GRIK1: variants seen among roughly 807,000 people sequenced by gnomAD.
The protein encoded by GRIK1 is glutamate receptor ionotropic, kainate 1.
In GRIK1, 69 loss-of-function variants were observed where a neutral mutation model predicts 105.7. That is an observed-to-expected ratio of 0.65 (90% CI 0.54 to 0.80). GRIK1 has a LOEUF of 0.80. GRIK1 is among the 30% of genes least tolerant of loss of function. The pLI is 0.00. For synonymous variants in GRIK1, 438 were observed against 431.3 expected (o/e 1.02, Z -0.19); for missense variants, 1,109 against 1,167.3 (o/e 0.95, Z 0.73).
intron 1 of GRIK1, among the ~76,000 whole-genome samples, chr21:29,723,697 A>G (rs2064381445): frequency 6.6e-6 from 1 of 152,226 alleles, no homozygotes; most frequent in African/African-American, 2.4e-5. Flanking sequence ...TGCATATGGA[A>G]CAATGGACCA....
chr21:29,811,555 T>C (rs16985058), intron 1 of GRIK1, among the ~76,000 whole-genome samples: 5,377 of 152,232 alleles, frequency 0.035, 204 homozygotes, highest in East Asian at 0.1. Flanking sequence ...GTATGTTTAG[T>C]GGAGTTTCCT....
intron 1 of GRIK1, among the ~76,000 whole-genome samples, chr21:29,723,489 C>T (rs2064376524): frequency 6.6e-6 from 1 of 152,108 alleles, no homozygotes; most frequent in Non-Finnish European, 1.5e-5. Flanking sequence ...AGAGGAATCA[C>T]AGAACATGAG....
chr21:29,598,073 C>CT (rs2061450917), intron 8 of GRIK1, among the ~76,000 whole-genome samples: 1 of 152,052 alleles, frequency 6.6e-6, no homozygotes, highest in Non-Finnish European at 1.5e-5. Flanking sequence ...AATTGTTTTT[C>CT]TATAAGATTG....
At chr21:29,549,109 G>A (rs1185254881) in intron 16 of GRIK1, among the ~76,000 whole-genome samples, 1 of 152,148 alleles carries the variant, frequency 6.6e-6, no homozygotes, top group African/African-American at 2.4e-5. Flanking sequence ...TTACAGGTGT[G>A]AGCCACCACT....
At chr21:29,680,405 C>T (rs1392245696) in intron 3 of GRIK1, among the ~76,000 whole-genome samples, 1 of 152,226 alleles carries the variant, frequency 6.6e-6, no homozygotes, top group East Asian at 1.9e-4. Context: ...GTATCTTACT[C>T]TTCTACTGTA....
chr21:29,545,684 C>T (rs958785519), intron 16 of GRIK1, among the ~76,000 whole-genome samples: 6 of 151,988 alleles, frequency 3.9e-5, no homozygotes, highest in African/African-American at 1.5e-4. Flanking sequence ...CTAAACTGAC[C>T]GTGATGTGTA....
Position 29,758,805 on chromosome 21 carries a change from C to G in GRIK1, c.119-64742G>C, listed in dbSNP as rs1192723356. 3.3e-5 allele frequency: 5 copies of G among 152,802 alleles called. No homozygotes were observed. The East Asian group carries it at 9.7e-4, about 30-fold the overall frequency. The allele number at this position is 152,802 out of a possible 1,614,324, so 9.5% of individuals were successfully genotyped here. On this transcript the variant is annotated intron_variant, in intron 1 of 17. Transcript: ENST00000327783. ...TGTGCGTTTAGTGAGATAATGGACCCTCTTCTAGTCCAACATTCTCTTCAG... is the reference window on the plus strand; with the variant it reads ...TGTGCGTTTAGTGAGATAATGGACCGTCTTCTAGTCCAACATTCTCTTCAG...
At chr21:29,681,297 C>T (rs1480839008) in intron 3 of GRIK1, among the ~76,000 whole-genome samples, 2 of 152,182 alleles carry the variant, frequency 1.3e-5, no homozygotes, top group Non-Finnish European at 2.9e-5. Flanking sequence ...AAAACTCTTC[C>T]ACGGCTTCCC....
At chr21:29,691,812 C>A (rs1442138455) in intron 2 of GRIK1, among the ~76,000 whole-genome samples, 1 of 152,170 alleles carries the variant, frequency 6.6e-6, no homozygotes, top group Non-Finnish European at 1.5e-5. Flanking sequence ...ACTTTGACAG[C>A]CATATTGCAG....
At chr21:29,649,256 G>C (rs1324538966) in intron 6 of GRIK1, among the ~76,000 whole-genome samples, 2 of 152,090 alleles carry the variant, frequency 1.3e-5, no homozygotes, top group Non-Finnish European at 2.9e-5. Flanking sequence ...ACTCATACTG[G>C]GGCCTGCATC....
chr21:29,682,943 C>A (rs1406391305), intron 3 of GRIK1, among the ~76,000 whole-genome samples: 12 of 150,302 alleles, frequency 8.0e-5, no homozygotes, highest in African/African-American at 7.4e-5. Flanking sequence ...CAAAAAAAAA[C>A]CAAATAACCC....
chr21:29,576,457 GGATTTTTTT>G (rs2090896318), intron 14 of GRIK1, among the ~76,000 whole-genome samples: 1 of 152,004 alleles, frequency 6.6e-6, no homozygotes, highest in Non-Finnish European at 1.5e-5. Context: ...GAGTCTCCTG[GGATTTTTTT>G]GTTCTTAATT....
intron 7 of GRIK1, chr21:29,630,825 G>A (rs1006757616): frequency 1.5e-4 from 54 of 353,110 alleles, no homozygotes; most frequent in Non-Finnish European, 2.7e-4. Context: ...AGGCTCTCTT[G>A]TTCTCTCTCT....
chr21:29,580,656 T>C (rs1321978731), intron 13 of GRIK1, among the ~76,000 whole-genome samples: 1 of 152,150 alleles, frequency 6.6e-6, no homozygotes. Flanking sequence ...CAAATGAACA[T>C]ATATTCCGAA....
chr21:29,550,791 C>T (rs895395723), intron 16 of GRIK1, among the ~76,000 whole-genome samples: 1 of 152,152 alleles, frequency 6.6e-6, no homozygotes, highest in African/African-American at 2.4e-5. Flanking sequence ...TTAGTTTCTC[C>T]AGAAGGTACC....
intron 7 of GRIK1, among the ~76,000 whole-genome samples, chr21:29,632,745 T>C (rs1355464171): frequency 1.3e-5 from 2 of 152,204 alleles, no homozygotes; most frequent in African/African-American, 2.4e-5. Flanking sequence ...ACAAGAATAA[T>C]TGACATGAGT....
rs138417532 is a variant in GRIK1, at chr21:29,573,729, A to G, written c.2130+3235T>C. 2.0e-3 allele frequency among the ~76,000 whole-genome samples: 297 copies of G among 152,180 alleles called. 1 individual carries two copies. The highest frequency in any genetic ancestry group is 6.8e-3 in the African/African-American group (284 of 41,522). On this transcript the variant is annotated intron_variant, in intron 14 of 17. Coordinates refer to ENST00000327783, the MANE Select transcript of GRIK1 (RefSeq NM_001330994.2). ...CCAGGCATGGTAGCATGCACCTGTA[A>G]TCCCAGCTACTCGGGGGGCTGAGGC...
Position 29,824,902 on chromosome 21 carries a change from A to G in GRIK1, c.118+114481T>C, listed in dbSNP as rs77194073. Among the ~76,000 whole-genome samples, 1,356 of 152,104 alleles carry G rather than the reference A, an allele frequency of 8.9e-3. 18 individuals are homozygous for G. Among genetic ancestry groups the G allele is most frequent in the African/African-American group, 0.031 (1,290 of 41,530 alleles). The stretch of plus-strand genomic sequence containing the variant: ...AGGTCAAAAACATAGGATCAGGGAG[A>G]TTGCAATTGCTCTAGTGAGGAGTGA... On this transcript the variant is annotated intron_variant, in intron 1 of 17. Coordinates refer to ENST00000327783, the MANE Select transcript of GRIK1 (RefSeq NM_001330994.2).
chr21:29,660,709 G>A (rs115530725), intron 4 of GRIK1, among the ~76,000 whole-genome samples: 2,740 of 152,172 alleles, frequency 0.018, 38 homozygotes, highest in Middle Eastern at 0.037. Flanking sequence ...TAGGTATCTT[G>A]GAAGTTTATA....
Sources: allele counts gnomAD v4.1 joint callset (sites outside exome capture counted in the v4.1 genomes callset), GRCh38; gene constraint gnomAD v4.1.1; transcripts MANE v1.5; gene names NCBI Gene and HGNC (gene_info 2026-07-23, HGNC 2026-07-21).